The following UQCC1 variants were observed in gnomAD, a reference collection of about 807,000 sequenced individuals.
UQCC1 encodes bFGF-repressed Zic-binding protein.
In UQCC1, 38 loss-of-function variants were observed where a neutral mutation model predicts 48.0. The observed-to-expected ratio is 0.79, with a 90% CI of 0.61 to 1.04. UQCC1 has a LOEUF of 1.04. Among genes scored for constraint, UQCC1 ranks in the 50% least tolerant of loss-of-function variants. The pLI is 0.00. For synonymous variants in UQCC1, 111 were observed against 129.2 expected (o/e 0.86, Z 0.95); for missense variants, 368 against 381.8 (o/e 0.96, Z 0.30).
Position 35,347,258 on chromosome 20 carries a change from C to T in UQCC1, c.479G>A (p.Arg160Gln), listed in dbSNP as rs770021476. 12 of 1,614,118 alleles carry T rather than the reference C, an allele frequency of 7.4e-6. No homozygotes were observed. The highest frequency in any genetic ancestry group is 6.6e-5 in the South Asian group (6 of 91,070). The change falls in exon 7 of 10, where the codon CGA becomes CAA. Residue 160 changes from arginine to glutamine, a missense_variant. By Grantham distance (43) the Arg-to-Gln change is conservative. Coordinates refer to ENST00000374385, the MANE Select transcript of UQCC1 (RefSeq NM_018244.5). Reference sequence around the variant, plus strand: ...CCCACTCCGGCCTTCCTGCTTCATTCGGACTAGACACATCCTGGGTGGGAA... The same window carrying T: ...CCCACTCCGGCCTTCCTGCTTCATTTGGACTAGACACATCCTGGGTGGGAA... The part of the protein sequence containing the change: ...TLLHVWMCLV[R>Q]MKQEGRSGKY...
intron 5 of UQCC1, among the ~76,000 whole-genome samples, chr20:35,370,397 C>A (rs1464895602): frequency 6.6e-6 from 1 of 151,894 alleles, no homozygotes; most frequent in African/African-American, 2.4e-5. Context: ...ATCCAAGCCA[C>A]AGGAAAGTCA....
intron 6 of UQCC1, among the ~76,000 whole-genome samples, chr20:35,365,500 C>T (rs940511017): frequency 2.0e-5 from 3 of 151,668 alleles, no homozygotes. Context: ...ACTAAAAATA[C>T]AAAAAAATCA....
chr20:35,406,398 C>T (rs1171281688), intron 1 of UQCC1, among the ~76,000 whole-genome samples: 2 of 152,174 alleles, frequency 1.3e-5, no homozygotes, highest in East Asian at 3.8e-4. Flanking sequence ...AGAACATTAA[C>T]AGTGGATTTC....
intron 3 of UQCC1, among the ~76,000 whole-genome samples, chr20:35,383,605 T>C (rs1388938070): frequency 6.6e-6 from 1 of 152,010 alleles, no homozygotes; most frequent in East Asian, 1.9e-4. Context: ...ATCCCAGCAC[T>C]TAGGGAGGCT....
intron 6 of UQCC1, among the ~76,000 whole-genome samples, chr20:35,352,613 C>T (rs2061501511): frequency 1.3e-5 from 2 of 152,124 alleles, no homozygotes; most frequent in South Asian, 4.1e-4. Context: ...CAGAAAAATT[C>T]CTATCACCTG....
At chr20:35,330,234 C>G (rs1032069396) in intron 7 of UQCC1, among the ~76,000 whole-genome samples, 12 of 152,158 alleles carry the variant, frequency 7.9e-5, no homozygotes, top group Admixed American at 7.9e-4. Context: ...TATCAAGTAA[C>G]GAAAAGAGCA....
chr20:35,356,544 T>C (rs556960200), intron 6 of UQCC1, among the ~76,000 whole-genome samples: 26 of 152,114 alleles, frequency 1.7e-4, no homozygotes, highest in African/African-American at 6.3e-4. Flanking sequence ...TTGGATGCAT[T>C]ATTTTTCCTA....
At chr20:35,385,972 T>C (rs974034577) in intron 2 of UQCC1, among the ~76,000 whole-genome samples, 3 of 151,748 alleles carry the variant, frequency 2.0e-5, no homozygotes, top group African/African-American at 7.3e-5. Flanking sequence ...ACCAGAGTGG[T>C]GCATTTGATA....
rs1271754291 is a variant in UQCC1 at position 35,317,197 on chromosome 20, T to TA, written c.574-2433dup. On this transcript the variant is annotated intron_variant, in intron 7 of 9. Coordinates refer to ENST00000374385, the MANE Select transcript of UQCC1 (RefSeq NM_018244.5). The stretch of plus-strand genomic sequence containing the variant: ...AGGCGATCAGCCCGCCTCGACCTCC[T>TA]AAAGTGCTGGGATTACAGGCGTGAG... 2.0e-5 allele frequency among the ~76,000 whole-genome samples: 3 copies of TA among 152,124 alleles called. No homozygotes were observed. In the South Asian group the frequency reaches 6.2e-4, roughly 32 times the overall value.
At chr20:35,323,094 G>A (rs1200120535) in intron 7 of UQCC1, among the ~76,000 whole-genome samples, 3 of 152,140 alleles carry the variant, frequency 2.0e-5, no homozygotes, top group Non-Finnish European at 4.4e-5. Context: ...TGATCCGCCT[G>A]CCTCAGCCTC....
chr20:35,367,092 TAAA>T (rs72469122), intron 5 of UQCC1, among the ~76,000 whole-genome samples: 1 of 101,790 alleles, frequency 9.8e-6, no homozygotes, highest in Non-Finnish European at 2.0e-5. Flanking sequence ...AGACTCTGTC[TAAA>T]AAAAAAAAAA....
Position 35,347,072 on chromosome 20 carries a change from T to A in UQCC1, c.573+92A>T, listed in dbSNP as rs548867903. On this transcript the variant is annotated intron_variant, in intron 7 of 9. Coordinates refer to ENST00000374385, the MANE Select transcript of UQCC1 (RefSeq NM_018244.5). ...TATTAGGCAGCATTTCACAGAAATC[T>A]AAAAGCAGGGCCATTTTACAACAGA... 3.7e-5 allele frequency: 59 copies of A among 1,613,620 alleles called. 1 individual carries two copies. The African/African-American group carries it at 6.1e-4, about 17-fold the overall frequency.
At chr20:35,375,733 C>A (rs978867499) in intron 4 of UQCC1, among the ~76,000 whole-genome samples, 4 of 151,220 alleles carry the variant, frequency 2.6e-5, no homozygotes, top group Non-Finnish European at 5.9e-5. Flanking sequence ...GGCAGATCGG[C>A]TGAGCCCAGG....
At chr20:35,403,500 G>C (rs577951455) in intron 1 of UQCC1, among the ~76,000 whole-genome samples, 38 of 152,244 alleles carry the variant, frequency 2.5e-4, no homozygotes, top group African/African-American at 9.1e-4. Context: ...TCCAGAATGG[G>C]GATGATGTTC....
intron 8 of UQCC1, among the ~76,000 whole-genome samples, chr20:35,312,622 A>T (rs924435349): frequency 2.0e-5 from 3 of 152,234 alleles, no homozygotes; most frequent in Admixed American, 6.5e-5. Flanking sequence ...TCATGCTTGC[A>T]TTAAATCTGG....
chr20:35,398,765 G>C (rs942415703), intron 1 of UQCC1, among the ~76,000 whole-genome samples: 4 of 144,230 alleles, frequency 2.8e-5, no homozygotes, highest in South Asian at 2.5e-4. Context: ...GGGGGGGGGG[G>C]GGGGCGGTGC....
At chr20:35,379,322 C>G (rs1392477299) in intron 4 of UQCC1, among the ~76,000 whole-genome samples, 1 of 152,140 alleles carries the variant, frequency 6.6e-6, no homozygotes, top group Non-Finnish European at 1.5e-5. Context: ...ATTTTACTCC[C>G]TAATCAAATA....
chr20:35,402,603 AC>A (rs1568714617), intron 1 of UQCC1, among the ~76,000 whole-genome samples: 15 of 145,728 alleles, frequency 1.0e-4, no homozygotes, highest in African/African-American at 3.9e-4. Context: ...AAACAAACAA[AC>A]AAACAAACAA....
intron 7 of UQCC1, among the ~76,000 whole-genome samples, chr20:35,332,394 G>A (rs529442290): frequency 3.5e-4 from 53 of 152,364 alleles, no homozygotes; most frequent in African/African-American, 1.2e-3. Context: ...GGACTAGAAG[G>A]TATGGGATTC....
Sources: gnomAD v4.1 joint callset for allele counts (sites outside exome capture counted in the v4.1 genomes callset) on GRCh38, gnomAD v4.1.1 for gene constraint, MANE v1.5 for transcripts, NCBI Gene and HGNC (gene_info 2026-07-23, HGNC 2026-07-21) for gene names.